Variants in AGAP1 observed in about 807,000 individuals in gnomAD.
The protein encoded by AGAP1 is arf-GAP with GTPase, ANK repeat and PH domain-containing protein 1.
In AGAP1, 29 loss-of-function variants were observed where a neutral mutation model predicts 105.3. That is an observed-to-expected ratio of 0.28 (90% CI 0.21 to 0.38). The LOEUF (loss-of-function observed/expected upper bound fraction) is 0.38. Among genes scored for constraint, AGAP1 ranks in the 10% least tolerant of loss-of-function variants. The pLI, the probability that AGAP1 is intolerant of heterozygous loss-of-function variation, is 1.00. For missense variants in AGAP1, 998 were observed against 1,165.1 expected, an observed-to-expected ratio of 0.86 and a Z score of 2.09; for synonymous variants, 509 against 485.9, an observed-to-expected ratio of 1.05 and a Z score of -0.63.
In AGAP1 at chr2:236,012,009, A is replaced by G. The variant is rs1343882109; in HGVS notation, c.1646-24552A>G. Among the ~76,000 whole-genome samples the G allele has an allele frequency of 6.6e-6, 1 of 152,172 alleles. No individual in the cohort carries two copies. Among genetic ancestry groups the G allele is most frequent in the Non-Finnish European group, 1.5e-5 (1 of 68,042 alleles). On this transcript the variant is annotated intron_variant, in intron 13 of 17. Coordinates refer to ENST00000304032, the MANE Select transcript of AGAP1 (RefSeq NM_001037131.3). The surrounding 1 kb of genome is among the most constrained non-coding windows in gnomAD (Gnocchi z 4.9). ...TGTATTTTCTTGTTGAGAAGCTTCTAAACAAGGGAACTTAGAGCAATCAAT... is the reference window on the plus strand; with the variant it reads ...TGTATTTTCTTGTTGAGAAGCTTCTGAACAAGGGAACTTAGAGCAATCAAT...
chr2:235,922,268 G>A (rs550272077), intron 11 of AGAP1, among the ~76,000 whole-genome samples: 4 of 152,308 alleles, frequency 2.6e-5, no homozygotes, highest in African/African-American at 9.6e-5. Context: ...TCATATTCCT[G>A]TAATTAGGAT....
At position 235,788,591 on chromosome 2, in the gene AGAP1, G is replaced by GGGA. The variant is rs1956788851; in HGVS notation, c.674-9165_674-9163dup. Among the ~76,000 whole-genome samples the GGGA allele has an allele frequency of 6.6e-6, 1 of 151,954 alleles. No homozygotes were observed. The highest frequency in any genetic ancestry group is 2.4e-5 in the African/African-American group (1 of 41,368). On this transcript the variant is annotated intron_variant, in intron 6 of 17. Coordinates refer to ENST00000304032, the MANE Select transcript of AGAP1 (RefSeq NM_001037131.3). This position sits in a 1 kb window ranked among gnomAD's most constrained non-coding sequence, Gnocchi z 6.0. The stretch of plus-strand genomic sequence containing the variant: ...GGTGAGGCCGGGCAAGGAGAGGAGT[G>GGGA]GGAGGGTCCATCGGTGTCGTCAGTG...
chr2:235,778,981 C>T (rs1329949455), intron 6 of AGAP1, among the ~76,000 whole-genome samples: 2 of 152,208 alleles, frequency 1.3e-5, no homozygotes, highest in Non-Finnish European at 2.9e-5. Flanking sequence ...AGAAGCATAT[C>T]CTGTGTGTAT....
chr2:235,652,177 C>G (rs2149325085), intron 1 of AGAP1, among the ~76,000 whole-genome samples: 1 of 152,292 alleles, frequency 6.6e-6, no homozygotes, highest in South Asian at 2.1e-4. Context: ...AGTGACTTCC[C>G]TGACTGGTCA....
chr2:236,065,964 G>C (rs934906570), intron 16 of AGAP1, among the ~76,000 whole-genome samples: 1 of 152,242 alleles, frequency 6.6e-6, no homozygotes, highest in South Asian at 2.1e-4. Flanking sequence ...TGATGGCCAG[G>C]GTGGCACTGT....
chr2:235,761,194 A>T (rs72975265), intron 6 of AGAP1, among the ~76,000 whole-genome samples: 8 of 152,124 alleles, frequency 5.3e-5, no homozygotes, highest in Non-Finnish European at 1.0e-4. Context: ...TTATTTAGTG[A>T]TGTTGCAGAA....
Position 235,961,283 on chromosome 2 carries a change from C to A in AGAP1, c.1484-7179C>A, listed in dbSNP as rs1490733577. On this transcript the variant is annotated intron_variant, in intron 12 of 17. Transcript: ENST00000304032. This position sits in a 1 kb window ranked among gnomAD's most constrained non-coding sequence, Gnocchi z 5.9. Reference sequence around the variant, plus strand: ...CTCTTGGGGCTTCCTCCTTTGGCTCCTGGAGTCTAAAACTTCCTGGTGTCC... The same window carrying A: ...CTCTTGGGGCTTCCTCCTTTGGCTCATGGAGTCTAAAACTTCCTGGTGTCC... 6.6e-6 allele frequency among the ~76,000 whole-genome samples: 1 copy of A among 152,206 alleles called. No individual in the cohort carries two copies. The highest frequency in any genetic ancestry group is 1.9e-4 in the East Asian group (1 of 5,188).
rs1217997348 is a variant in AGAP1, at chr2:235,571,958, GTATACA to G, written c.163+77114_163+77119del. On this transcript the variant is annotated intron_variant, in intron 1 of 17. Transcript: ENST00000304032. ...TGTGTGTGTGTGTGTGTGTGTGTGT[GTATACA>G]TATATATGTATACACACACACACAC... is the stretch of plus-strand genomic sequence containing the variant. Among the ~76,000 whole-genome samples, 298 of 107,406 alleles carry G rather than the reference GTATACA, an allele frequency of 2.8e-3. 6 individuals carry two copies. The highest frequency in any genetic ancestry group is 0.01 in the African/African-American group (248 of 24,750). The allele number at this position is 107,406 out of a possible 152,430, so 70.5% of individuals were successfully genotyped here.
At chr2:235,785,828 C>T (rs1382221861) in intron 6 of AGAP1, among the ~76,000 whole-genome samples, 1 of 152,150 alleles carries the variant, frequency 6.6e-6, no homozygotes, top group Non-Finnish European at 1.5e-5. Flanking sequence ...CCATGTTTAT[C>T]TGCACTTATC....
chr2:235,840,449 C>G (rs796732009), intron 9 of AGAP1, among the ~76,000 whole-genome samples: 29 of 152,354 alleles, frequency 1.9e-4, no homozygotes, highest in African/African-American at 6.7e-4. Flanking sequence ...CCTTAGCCTC[C>G]TTTTCTATAC....
chr2:235,590,599 G>A (rs1945292000), intron 1 of AGAP1, among the ~76,000 whole-genome samples: 1 of 151,658 alleles, frequency 6.6e-6, no homozygotes, highest in Admixed American at 6.6e-5. Flanking sequence ...AAAGATAACA[G>A]AACCTGCCAG....
chr2:235,628,975 C>T (rs1946732080), intron 1 of AGAP1, among the ~76,000 whole-genome samples: 1 of 152,076 alleles, frequency 6.6e-6, no homozygotes, highest in South Asian at 2.1e-4. Flanking sequence ...CCACATCCGG[C>T]TAATTTTTGT....
intron 12 of AGAP1, among the ~76,000 whole-genome samples, chr2:235,944,108 G>A (rs1223649057): frequency 6.6e-6 from 1 of 152,124 alleles, no homozygotes; most frequent in African/African-American, 2.4e-5. Context: ...TCTGCAGCGG[G>A]ATTTTTAAAA....
intron 16 of AGAP1, among the ~76,000 whole-genome samples, chr2:236,054,656 T>C (rs952584003): frequency 6.6e-6 from 1 of 152,208 alleles, no homozygotes; most frequent in Admixed American, 6.5e-5. Context: ...CATAACAAGC[T>C]ACCGGCAGTG....
chr2:235,598,619 T>A (rs1034329998), intron 1 of AGAP1, among the ~76,000 whole-genome samples: 8 of 152,294 alleles, frequency 5.3e-5, no homozygotes, highest in African/African-American at 1.9e-4. Flanking sequence ...ATTATTCAAG[T>A]ATAAACTCAG....
At chr2:236,048,054 G>A (rs567745510) in intron 15 of AGAP1, among the ~76,000 whole-genome samples, 10 of 152,326 alleles carry the variant, frequency 6.6e-5, no homozygotes, top group South Asian at 2.1e-4. Flanking sequence ...TCTCCCCAGT[G>A]AGTCAAATGT....
rs1363465377 is a variant in AGAP1 at position 235,729,716 on chromosome 2, C to T, written c.311-11247C>T. 6.6e-6 allele frequency among the ~76,000 whole-genome samples: 1 copy of T among 152,132 alleles called. No homozygotes were observed. The highest frequency in any genetic ancestry group is 2.4e-5 in the African/African-American group (1 of 41,382). ...TTGTAAGAATTACAAATGCGTTTTC[C>T]AGAGTCCCCAGAGAAAAAGGAGTCT... is the stretch of plus-strand genomic sequence containing the variant. On this transcript the variant is annotated intron_variant, in intron 3 of 17. Coordinates refer to ENST00000304032, the MANE Select transcript of AGAP1 (RefSeq NM_001037131.3). This position sits in a 1 kb window ranked among gnomAD's most constrained non-coding sequence, Gnocchi z 5.0.
chr2:235,826,944 A>G (rs1959103010), intron 9 of AGAP1, among the ~76,000 whole-genome samples: 1 of 152,196 alleles, frequency 6.6e-6, no homozygotes, highest in African/African-American at 2.4e-5. Flanking sequence ...TGATTAAGTT[A>G]GAGAAAAGTA....
At position 236,038,982 on chromosome 2, in the gene AGAP1, A is replaced by G. The variant is rs1004810267; in HGVS notation, c.1801-1769A>G. Among the ~76,000 whole-genome samples, 1 of 152,202 alleles carries G rather than the reference A, an allele frequency of 6.6e-6. No individual in the cohort carries two copies. Among genetic ancestry groups the G allele is most frequent in the African/African-American group, 2.4e-5 (1 of 41,448 alleles). On this transcript the variant is annotated intron_variant, in intron 14 of 17. Coordinates refer to ENST00000304032, the MANE Select transcript of AGAP1 (RefSeq NM_001037131.3). This position sits in a 1 kb window ranked among gnomAD's most constrained non-coding sequence, Gnocchi z 4.5. ...AGACAGTAGTGATTAATACATTATA[A>G]TTTATTATGTAGCAAGTAATATATT...
Sources: gnomAD v4.1 joint callset for allele counts (sites outside exome capture counted in the v4.1 genomes callset) on GRCh38, gnomAD v4.1.1 for gene constraint, Gnocchi (gnomAD v3.1) non-coding constraint, MANE v1.5 for transcripts, NCBI Gene and HGNC (gene_info 2026-07-23, HGNC 2026-07-21) for gene names.